KDM6B: variants seen among roughly 807,000 people sequenced by gnomAD.
KDM6B encodes lysine demethylase 6B.
Under a neutral mutation model 150.4 loss-of-function variants are expected in KDM6B, and 22 were observed. The observed-to-expected ratio is 0.15, with a 90% CI of 0.10 to 0.21. KDM6B has a LOEUF of 0.21. Ranked by LOEUF, KDM6B falls within the 10% of genes least tolerant of loss-of-function variation. KDM6B has a pLI of 1.00. For missense variants in KDM6B, 1,984 were observed against 2,234.3 expected (o/e 0.89, Z 2.26); for synonymous variants, 1,148 against 921.1 (o/e 1.25, Z -4.46).
chr17:7,839,653 C>T (rs1334315771), intron 1 of KDM6B, among the ~76,000 whole-genome samples: 2 of 152,100 alleles, frequency 1.3e-5, no homozygotes, highest in Non-Finnish European at 2.9e-5. Context: ...AGAGGGATCA[C>T]GGGTTTGGGG....
rs773116497 is a variant in KDM6B, at chr17:7,848,221, C to T, written c.1933C>T (p.Pro645Ser). Residue 645 changes from proline to serine, a missense_variant, in exon 12 of 24, where the codon CCC (proline) becomes TCC (serine). Physicochemically the swap from Pro to Ser is moderately conservative, Grantham distance 74. Transcript: ENST00000448097. The part of the protein sequence containing the change: ...PKTPEVGPGP[P>S]PGPLSKAPQP... The stretch of plus-strand genomic sequence containing the variant: ...GACCCCCGAGGTGGGGCCGGGGCCA[C>T]CCCCAGGCCCCCTGAGTAAAGCCCC... 14 of 1,605,610 alleles carry T rather than the reference C, an allele frequency of 8.7e-6. No individual in the cohort carries two copies. The highest frequency in any genetic ancestry group is 5.0e-5 in the Admixed American group (3 of 59,962).
rs371833333 is a variant in KDM6B, at chr17:7,846,987, C to T, written c.880C>T (p.Arg294Cys). The T allele has an allele frequency of 4.0e-5, 65 of 1,613,248 alleles. No individual in the cohort carries two copies. In the African/African-American group the frequency reaches 4.4e-4, roughly 11 times the overall value. The change falls in exon 10 of 24, where the codon CGC becomes TGC. Residue 294 changes from arginine (R) to cysteine (C), a missense_variant. Arg to Cys is a radical substitution (Grantham distance 180). Coordinates refer to ENST00000448097, the MANE Select transcript of KDM6B (RefSeq NM_001348716.2). The stretch of plus-strand genomic sequence containing the variant: ...GCATGGAGATGCCTGGGGCCCAGAG[C>T]GCAAGGGTTCAGCACCCCCAGAGCG... Reference protein sequence around the residue: ...TLHGDAWGPERKGSAPPERQE... With the variant: ...TLHGDAWGPECKGSAPPERQE...
In KDM6B at chr17:7,848,520, T is replaced by C. The variant is rs759782351; in HGVS notation, c.2232T>C (p.Thr744=). The C allele has an allele frequency of 3.2e-6, 5 of 1,553,018 alleles. No homozygotes were observed. Among genetic ancestry groups the C allele is most frequent in the Middle Eastern group, 1.8e-4 (1 of 5,608 alleles). ...TCCCCACCGACACAGCCCCCACCAC[T>C]ACTGCTCCTGCTGTCGCCGTCACCA... ...SPFPTDTAPT[T]TAPAVAVTTT... is the part of the protein sequence containing the mutation. Residue 744 remains threonine (T), a synonymous_variant, in exon 12 of 24, where the codon ACT becomes ACC. Transcript: ENST00000448097.
rs753076669 is a variant in KDM6B at position 7,848,524 on chromosome 17, G to A, written c.2236G>A (p.Ala746Thr). 3.8e-6 allele frequency: 6 copies of A among 1,599,184 alleles called. No homozygotes were observed. Among genetic ancestry groups the A allele is most frequent in the Admixed American group, 3.4e-5 (2 of 58,342 alleles). The change falls in exon 12 of 24, where the codon GCT becomes ACT. Residue 746 changes from alanine to threonine, a missense_variant. Ala to Thr is a moderately conservative substitution (Grantham distance 58). Transcript: ENST00000448097. Reference sequence around the variant, plus strand: ...CACCGACACAGCCCCCACCACTACTGCTCCTGCTGTCGCCGTCACCACCAC... The same window carrying A: ...CACCGACACAGCCCCCACCACTACTACTCCTGCTGTCGCCGTCACCACCAC... The part of the protein sequence containing the change: ...FPTDTAPTTT[A>T]PAVAVTTTTT...
At chr17:7,852,360 G>T (rs1567803414) in intron 20 of KDM6B, 24 bp downstream of exon 20, 4 of 1,598,554 alleles carry the variant, frequency 2.5e-6, no homozygotes, top group South Asian at 1.1e-5. Flanking sequence ...GCAGGTGTTG[G>T]CGTGGTGTGG....
intron 1 of KDM6B, among the ~76,000 whole-genome samples, chr17:7,834,630 AGGGCG>A (rs561335666): frequency 3.0e-4 from 43 of 144,486 alleles, no homozygotes; most frequent in Admixed American, 1.1e-3. Flanking sequence ...TCCCGACTCC[AGGGCG>A]GGGCGGGGCG....
Position 7,847,090 on chromosome 17 carries a change from G to T in KDM6B, c.910-15G>T. On this transcript the variant is annotated splice_polypyrimidine_tract_variant and intron_variant, in intron 10 of 23. Transcript: ENST00000448097. ...TCTCTATTCCTCATCCTGCATCCCT[G>T]TTTATCTCCTATAGGAGCAGCGGCA... 6.2e-7 allele frequency: 1 copy of T among 1,612,322 alleles called. No homozygotes were observed. The highest frequency in any genetic ancestry group is 8.5e-7 in the Non-Finnish European group (1 of 1,179,050).
At position 7,852,346 on chromosome 17, in the gene KDM6B, T is replaced by TG; in HGVS notation, c.4468+14dup. On this transcript the variant is annotated intron_variant, in intron 20 of 23. Coordinates refer to ENST00000448097, the MANE Select transcript of KDM6B (RefSeq NM_001348716.2). ...GTGGGGCCCCTCACCGGTGAGAGGG[T>TG]GGGGCAGGTGTTGGCGTGGTGTGGC... is the stretch of plus-strand genomic sequence containing the variant. 1 of 1,607,058 alleles carries TG rather than the reference T, an allele frequency of 6.2e-7. No individual in the cohort carries two copies. Among genetic ancestry groups the TG allele is most frequent in the Non-Finnish European group, 8.5e-7 (1 of 1,177,612 alleles).
chr17:7,846,643 TG>T lies in KDM6B; in HGVS notation c.616del (p.Val206CysfsTer71). The T allele has an allele frequency of 6.2e-7, 1 of 1,614,062 alleles. No homozygotes were observed. The highest frequency in any genetic ancestry group is 8.5e-7 in the Non-Finnish European group (1 of 1,179,974). On this transcript the variant is annotated frameshift_variant, in exon 9 of 24. Coordinates refer to ENST00000448097, the MANE Select transcript of KDM6B (RefSeq NM_001348716.2). LOFTEE classifies it high-confidence loss of function. ...PPVKRAAEPPVVQPVPPAALS... is the reference protein window; with the variant it reads ...PPVKRAAEPPXVQPVPPAALS... ...GTGAAGCGAGCTGCTGAACCCCCAG[TG>T]GTGCAGCCTGTGCCTCCTGCAGCAC... is the stretch of plus-strand genomic sequence containing the variant.
At chr17:7,835,718 C>T (rs927970912) in intron 1 of KDM6B, among the ~76,000 whole-genome samples, 1 of 152,106 alleles carries the variant, frequency 6.6e-6, no homozygotes, top group Non-Finnish European at 1.5e-5. Context: ...GCCTGGGACC[C>T]GCACGTGCAC....
chr17:7,845,720 G>A, intron 5 of KDM6B, 29 bp downstream of exon 5: 1 of 1,613,928 alleles, frequency 6.2e-7, no homozygotes, highest in Non-Finnish European at 8.5e-7. Context: ...CTGTCTCCAG[G>A]CACACCTCTT....
At chr17:7,837,862 C>T (rs1186562598) in intron 1 of KDM6B, among the ~76,000 whole-genome samples, 1 of 151,830 alleles carries the variant, frequency 6.6e-6, no homozygotes, top group Non-Finnish European at 1.5e-5. Flanking sequence ...CAGCGGTAAC[C>T]GTAGGAGTTT....
rs2078739842 is a variant in KDM6B at position 7,853,274 on chromosome 17, A to G, written c.4802A>G (p.His1601Arg). 3 of 1,609,220 alleles carry G rather than the reference A, an allele frequency of 1.9e-6. No individual in the cohort carries two copies. The highest frequency in any genetic ancestry group is 2.5e-6 in the Non-Finnish European group (3 of 1,178,318). ...GGCAGCCGCAACACGTACCTGGTACACTGCGAGGGCTGTGCCCGGCGCCGC... is the reference window on the plus strand; with the variant it reads ...GGCAGCCGCAACACGTACCTGGTACGCTGCGAGGGCTGTGCCCGGCGCCGC... Reference protein sequence around the residue: ...ENGSRNTYLVHCEGCARRRSA... With the variant: ...ENGSRNTYLVRCEGCARRRSA... The change falls in exon 23 of 24, where the codon CAC becomes CGC. Residue 1601 changes from histidine to arginine, a missense_variant. Transcript: ENST00000448097.
At chr17:7,846,377 G>GGGCCCCCCCC in intron 7 of KDM6B, 23 bp from the exon 8 acceptor site, 4 of 1,479,418 alleles carry the variant, frequency 2.7e-6, no homozygotes, top group Non-Finnish European at 3.6e-6. Context: ...ATCTGCCCCT[G>GGGCCCCCCCC]CCCCGTGTCC....
intron 14 of KDM6B, 39 bp from the exon 15 acceptor site, chr17:7,850,982 T>C: frequency 3.8e-6 from 5 of 1,301,088 alleles, no homozygotes; most frequent in Non-Finnish European, 5.1e-6. Flanking sequence ...CCCTATCCTC[T>C]GCCTCTGCCC....
At chr17:7,836,545 C>T (rs1225528047) in intron 1 of KDM6B, among the ~76,000 whole-genome samples, 1 of 151,604 alleles carries the variant, frequency 6.6e-6, no homozygotes, top group Non-Finnish European at 1.5e-5. Context: ...CCCCGCCTGC[C>T]GGCCCCCACC....
chr17:7,840,747 C>CT (rs1254215260), intron 2 of KDM6B: 3 of 152,222 alleles, frequency 2.0e-5, no homozygotes, highest in Admixed American at 6.5e-5. Flanking sequence ...CTATGTGTCT[C>CT]TCACTATTTT....
In KDM6B at chr17:7,846,083, C is replaced by A. The variant is rs779826751; in HGVS notation, c.242C>A (p.Pro81His). The A allele has an allele frequency of 1.2e-6, 2 of 1,609,388 alleles. No homozygotes were observed. The highest frequency in any genetic ancestry group is 1.7e-6 in the Non-Finnish European group (2 of 1,178,494). Reference sequence around the variant, plus strand: ...CCACCCCTTCTGCTCTGTAGGGCGCCCACTCCAAGACCCCTCCATGGGAAG... The same window carrying A: ...CCACCCCTTCTGCTCTGTAGGGCGCACACTCCAAGACCCCTCCATGGGAAG... ...PSKPYYAPGA[P>H]TPRPLHGKLE... The change falls in exon 7 of 24, where the codon CCC (proline) becomes CAC (histidine). Residue 81 changes from proline to histidine, a missense_variant. Physicochemically the swap from Pro to His is moderately conservative, Grantham distance 77. Around this residue, in one of 13 missense-constraint regions of KDM6B, gnomAD observed 337 missense variants for 323.9 expected, o/e 1.04. Transcript: ENST00000448097.
At position 7,853,528 on chromosome 17, in the gene KDM6B, A is replaced by G. The variant is rs1364513855; in HGVS notation, c.*7A>G. 1 of 1,454,816 alleles carries G rather than the reference A, an allele frequency of 6.9e-7. No homozygotes were observed. Among genetic ancestry groups the G allele is most frequent in the East Asian group, 3.0e-5 (1 of 33,868 alleles). The allele number at this position is 1,454,816 out of a possible 1,614,324, so 90.1% of individuals were successfully genotyped here. A position where few individuals can be genotyped will look rare whatever the true frequency, so the allele number is the denominator to read the frequency against. On this transcript the variant is annotated 3_prime_UTR_variant, in exon 24 of 24. Transcript: ENST00000448097. Reference sequence around the variant, plus strand: ...AGCCAGCACGTCGCGATGAGGCCGGACGCCCCGCCCGCCTGCCTGCCCGCG... The same window carrying G: ...AGCCAGCACGTCGCGATGAGGCCGGGCGCCCCGCCCGCCTGCCTGCCCGCG...
Sources: allele counts gnomAD v4.1 joint callset (sites outside exome capture counted in the v4.1 genomes callset), GRCh38; gene constraint gnomAD v4.1.1; regional missense constraint gnomAD v4.1.1; transcripts MANE v1.5; gene names NCBI Gene and HGNC (gene_info 2026-07-23, HGNC 2026-07-21).